CMSS1: variants seen among roughly 807,000 people sequenced by gnomAD.
The protein encoded by CMSS1 is protein CMSS1.
CMSS1 carries 33 observed loss-of-function variants against 43.5 expected under a neutral mutation model. The ratio of observed to expected loss-of-function variants is 0.76; its 90% CI spans 0.57 to 1.01. CMSS1 has a LOEUF of 1.01. CMSS1 is among the 50% of genes least tolerant of loss of function. The pLI, the probability that CMSS1 is intolerant of heterozygous loss-of-function variation, is 0.00. For synonymous variants in CMSS1, 115 were observed against 117.2 expected (o/e 0.98, Z 0.12); for missense variants, 313 against 326.4 (o/e 0.96, Z 0.32).
intron 1 of CMSS1, among the ~76,000 whole-genome samples, chr3:100,042,211 T>C (rs1212622405): frequency 6.6e-6 from 1 of 152,222 alleles, no homozygotes; most frequent in Non-Finnish European, 1.5e-5. Context: ...CTGAAATTTT[T>C]TAAAGCCCAC....
intron 1 of CMSS1, among the ~76,000 whole-genome samples, chr3:99,896,228 C>T (rs1038741638): frequency 6.6e-6 from 1 of 152,056 alleles, no homozygotes; most frequent in Admixed American, 6.5e-5. Context: ...CCTTTCCTGG[C>T]AAATAAGTGG....
intron 1 of CMSS1, among the ~76,000 whole-genome samples, chr3:99,863,635 C>T (rs1281871464): frequency 6.6e-6 from 1 of 152,094 alleles, no homozygotes; most frequent in East Asian, 1.9e-4. Context: ...ATTTTGTGTA[C>T]TTTTAACTCT....
At chr3:99,949,002 T>C (rs1261944228) in intron 1 of CMSS1, among the ~76,000 whole-genome samples, 3 of 152,192 alleles carry the variant, frequency 2.0e-5, no homozygotes, top group Non-Finnish European at 2.9e-5. Flanking sequence ...TTTCAAGATA[T>C]ATCCAGAATC....
At chr3:100,174,025 G>A (rs555744888) in intron 8 of CMSS1, among the ~76,000 whole-genome samples, 2 of 152,306 alleles carry the variant, frequency 1.3e-5, no homozygotes, top group East Asian at 3.9e-4. Flanking sequence ...ACAAATATTA[G>A]TTATTTATTA....
At chr3:100,139,779 G>C (rs1464089125) in intron 1 of CMSS1, among the ~76,000 whole-genome samples, 1 of 130,742 alleles carries the variant, frequency 7.6e-6, no homozygotes, top group Non-Finnish European at 1.6e-5. Context: ...CCTGGGCGAC[G>C]AGAGCAAAAC....
intron 1 of CMSS1, among the ~76,000 whole-genome samples, chr3:99,920,261 T>C (rs1482271749): frequency 6.6e-6 from 1 of 152,004 alleles, no homozygotes; most frequent in African/African-American, 2.4e-5. Flanking sequence ...AAAGCAACTC[T>C]TTTTTTTCTT....
At chr3:99,886,003 A>T (rs1021582314) in intron 1 of CMSS1, among the ~76,000 whole-genome samples, 9 of 152,236 alleles carry the variant, frequency 5.9e-5, no homozygotes, top group African/African-American at 2.2e-4. Context: ...ACCTTTGTTG[A>T]TAATGTTTGT....
At chr3:100,144,735 G>A (rs1445691246) in intron 1 of CMSS1, among the ~76,000 whole-genome samples, 1 of 152,162 alleles carries the variant, frequency 6.6e-6, no homozygotes. Flanking sequence ...TGGTCATTTT[G>A]GTAAAGAGAG....
At chr3:100,066,188 A>G (rs908353407) in intron 1 of CMSS1, among the ~76,000 whole-genome samples, 16 of 152,150 alleles carry the variant, frequency 1.1e-4, no homozygotes, top group African/African-American at 3.9e-4. Flanking sequence ...ACAGCAGTAT[A>G]ATGATTTTGT....
chr3:99,918,109 C>G (rs1278965272), intron 1 of CMSS1, among the ~76,000 whole-genome samples: 2 of 152,094 alleles, frequency 1.3e-5, no homozygotes, highest in African/African-American at 4.8e-5. Flanking sequence ...TCCTGAGTAG[C>G]TGGGATTACA....
chr3:99,968,949 C>G (rs1345323544), intron 1 of CMSS1, among the ~76,000 whole-genome samples: 1 of 134,442 alleles, frequency 7.4e-6, no homozygotes, highest in East Asian at 2.2e-4. Context: ...GGGTGCAACC[C>G]AGGTTCAAGA....
intron 1 of CMSS1, among the ~76,000 whole-genome samples, chr3:99,986,141 T>C (rs981449489): frequency 1.3e-5 from 2 of 152,198 alleles, no homozygotes; most frequent in African/African-American, 4.8e-5. Context: ...AAAATCTAAA[T>C]TGTTTTTATT....
intron 1 of CMSS1, among the ~76,000 whole-genome samples, chr3:99,829,679 G>A (rs1942611106): frequency 6.6e-6 from 1 of 152,126 alleles, no homozygotes; most frequent in South Asian, 2.1e-4. Context: ...GAAGAGATAT[G>A]AATAAACAAT....
Position 100,162,360 on chromosome 3 carries a change from C to G in CMSS1, c.283C>G (p.Leu95Val). The change falls in exon 4 of 10, where the codon CTA becomes GTA. Residue 95 changes from leucine to valine, a missense_variant. Coordinates refer to ENST00000421999, the MANE Select transcript of CMSS1 (RefSeq NM_032359.4). ...ACCAAAACCAGGGTTACCTGAAGAC[C>G]TACAGAAGCTGATGAAGGACTATTA... is the stretch of plus-strand genomic sequence containing the variant. ...SEPKPGLPED[L>V]QKLMKDYYSS... 1 of 1,613,580 alleles carries G rather than the reference C, an allele frequency of 6.2e-7. No individual in the cohort carries two copies. The highest frequency in any genetic ancestry group is 8.5e-7 in the Non-Finnish European group (1 of 1,179,580).
intron 1 of CMSS1, chr3:99,848,584 A>G (rs531864166): frequency 1.2e-6 from 2 of 1,614,210 alleles, no homozygotes; most frequent in African/African-American, 1.3e-5. Flanking sequence ...GACTCTGAAT[A>G]TCGCATGCTT....
At chr3:99,893,628 AT>A (rs1706162152) in intron 1 of CMSS1, among the ~76,000 whole-genome samples, 1 of 152,158 alleles carries the variant, frequency 6.6e-6, no homozygotes, top group Admixed American at 6.5e-5. Flanking sequence ...GAATTACATC[AT>A]TTGTTTGACA....
intron 1 of CMSS1, among the ~76,000 whole-genome samples, chr3:100,074,481 A>G (rs1178720168): frequency 1.3e-5 from 2 of 151,724 alleles, no homozygotes; most frequent in Non-Finnish European, 2.9e-5. Flanking sequence ...TTCTCTGTGG[A>G]TCTCTTATCA....
At chr3:99,920,556 A>T (rs1265296839) in intron 1 of CMSS1, among the ~76,000 whole-genome samples, 2 of 152,228 alleles carry the variant, frequency 1.3e-5, no homozygotes, top group Non-Finnish European at 2.9e-5. Context: ...GTCATGAAAC[A>T]TGGATAGAAT....
chr3:100,042,260 A>G (rs1320158265), intron 1 of CMSS1, among the ~76,000 whole-genome samples: 1 of 152,232 alleles, frequency 6.6e-6, no homozygotes, highest in Non-Finnish European at 1.5e-5. Flanking sequence ...AGAATGATCC[A>G]GTCACAGAGC....
Sources: allele counts gnomAD v4.1 joint callset (sites outside exome capture counted in the v4.1 genomes callset), GRCh38; gene constraint gnomAD v4.1.1; transcripts MANE v1.5; gene names NCBI Gene and HGNC (gene_info 2026-07-23, HGNC 2026-07-21).